Variants in UBASH3A observed in about 807,000 individuals in gnomAD.
UBASH3A encodes the protein ubiquitin associated and SH3 domain containing A.
In UBASH3A, 63 loss-of-function variants were observed where a neutral mutation model predicts 73.5. The ratio of observed to expected loss-of-function variants is 0.86; its 90% CI spans 0.70 to 1.06. The LOEUF (loss-of-function observed/expected upper bound fraction) is 1.06, where lower values mean the gene tolerates loss of function less well. Among genes scored for constraint, UBASH3A ranks in the 50% least tolerant of loss-of-function variants. The pLI, the probability that UBASH3A is intolerant of heterozygous loss-of-function variation, is 0.00. For synonymous variants in UBASH3A, 363 were observed against 351.1 expected, an observed-to-expected ratio of 1.03 and a Z score of -0.38; for missense variants, 860 against 859.0, an observed-to-expected ratio of 1.00 and a Z score of -0.02.
At chr21:42,414,920 T>C (rs1192564769) in intron 5 of UBASH3A, among the ~76,000 whole-genome samples, 2 of 152,226 alleles carry the variant, frequency 1.3e-5, no homozygotes, top group African/African-American at 4.8e-5. Flanking sequence ...GGGTTCATGC[T>C]GGGCAGCCCC....
intron 9 of UBASH3A, 61 bp from the exon 10 acceptor site, chr21:42,434,771 T>C: frequency 6.4e-7 from 1 of 1,551,126 alleles, no homozygotes. Flanking sequence ...TTGGGAGTTT[T>C]GTGGAACAAA....
At chr21:42,408,048 G>C (rs374172805) in intron 2 of UBASH3A, among the ~76,000 whole-genome samples, 295 of 152,362 alleles carry the variant, frequency 1.9e-3, no homozygotes, top group South Asian at 3.5e-3. Flanking sequence ...TGTAAAACAA[G>C]TGCTATCTAT....
At chr21:42,439,370 C>A (rs967585112) in intron 11 of UBASH3A, among the ~76,000 whole-genome samples, 2 of 152,172 alleles carry the variant, frequency 1.3e-5, no homozygotes, top group African/African-American at 4.8e-5. Context: ...CCCCTCTGCA[C>A]GGCATCTCGG....
chr21:42,418,981 T>C (rs902888250), intron 7 of UBASH3A, among the ~76,000 whole-genome samples: 1 of 152,252 alleles, frequency 6.6e-6, no homozygotes, highest in Non-Finnish European at 1.5e-5. Context: ...ATTAGTTTTC[T>C]ATGACTGTAT....
In UBASH3A at chr21:42,413,136, A is replaced by G; in HGVS notation, c.467A>G (p.Tyr156Cys). The G allele has an allele frequency of 6.2e-7, 1 of 1,614,058 alleles. No homozygotes were observed. The highest frequency in any genetic ancestry group is 1.3e-5 in the African/African-American group (1 of 74,970). ...VPLALHSSISYLGFFVSGSPA... is the reference protein window; with the variant it reads ...VPLALHSSISCLGFFVSGSPA... Reference sequence around the variant, plus strand: ...CTGGCTCTCCACTCCTCCATCAGCTACCTCGGCTTCTTCGTCAGTGGCAGC... The same window carrying G: ...CTGGCTCTCCACTCCTCCATCAGCTGCCTCGGCTTCTTCGTCAGTGGCAGC... The change falls in exon 4 of 15, where the codon TAC becomes TGC. Residue 156 changes from tyrosine (Y) to cysteine (C), a missense_variant. Tyr to Cys is a radical substitution (Grantham distance 194, BLOSUM62 -2). Transcript: ENST00000319294. The surrounding 1 kb of genome is among the most constrained non-coding windows in gnomAD (Gnocchi z 4.5).
intron 9 of UBASH3A, among the ~76,000 whole-genome samples, chr21:42,432,532 G>T (rs937992246): frequency 7.9e-5 from 12 of 151,850 alleles, no homozygotes; most frequent in Admixed American, 7.9e-4. Flanking sequence ...AGTAAGAATA[G>T]TGCTTATAAA....
At chr21:42,410,312 C>A (rs1306698756) in intron 3 of UBASH3A, 4 of 606,650 alleles carry the variant, frequency 6.6e-6, no homozygotes, top group South Asian at 1.9e-5. Context: ...TAAGGAAGGG[C>A]ACACCCACTT....
chr21:42,420,006 C>T (rs1018615408), intron 7 of UBASH3A, among the ~76,000 whole-genome samples: 1 of 152,190 alleles, frequency 6.6e-6, no homozygotes, highest in Non-Finnish European at 1.5e-5. Context: ...TGGAACATAA[C>T]CCCATCTGAA....
chr21:42,444,712 C>A (rs1292390986), intron 14 of UBASH3A, 69 bp downstream of exon 14: 8 of 1,247,750 alleles, frequency 6.4e-6, no homozygotes, highest in Non-Finnish European at 9.4e-6. Context: ...TTATCTCATC[C>A]ACTTCTCGGA....
intron 11 of UBASH3A, among the ~76,000 whole-genome samples, chr21:42,440,983 T>C (rs2053730669): frequency 6.6e-6 from 1 of 152,244 alleles, no homozygotes; most frequent in Non-Finnish European, 1.5e-5. Context: ...TATAAAAAGC[T>C]TTCAAAAATG....
At chr21:42,407,741 C>T (rs976094463) in intron 2 of UBASH3A, among the ~76,000 whole-genome samples, 1 of 152,212 alleles carries the variant, frequency 6.6e-6, no homozygotes, top group Non-Finnish European at 1.5e-5. Context: ...CACCAGCCTC[C>T]GTCGTGCGTC....
In UBASH3A at chr21:42,443,431, C is replaced by G. The variant is rs1313681113; in HGVS notation, c.1738+13C>G. On this transcript the variant is annotated intron_variant, in intron 13 of 14. Transcript: ENST00000319294. Reference sequence around the variant, plus strand: ...TGTCCACAGGACAGTAAGTGCCTCACCATCCTCAGTATGAACAGCCCCTGG... The same window carrying G: ...TGTCCACAGGACAGTAAGTGCCTCAGCATCCTCAGTATGAACAGCCCCTGG... 1 of 1,591,246 alleles carries G rather than the reference C, an allele frequency of 6.3e-7. No homozygotes were observed. The highest frequency in any genetic ancestry group is 8.6e-7 in the Non-Finnish European group (1 of 1,168,454).
At position 42,447,200 on chromosome 21, in the gene UBASH3A, A is replaced by C; in HGVS notation, c.*6A>C. On this transcript the variant is annotated 3_prime_UTR_variant, in exon 15 of 15. Transcript: ENST00000319294. ...ACTGGATCTCAGGCAACTGAGAGCC[A>C]CGGTGATGTTGTCATAACCTCAGAG... 6.2e-7 allele frequency: 1 copy of C among 1,613,512 alleles called. No homozygotes were observed. Among genetic ancestry groups the C allele is most frequent in the Non-Finnish European group, 8.5e-7 (1 of 1,179,760 alleles).
chr21:42,440,936 G>T (rs1312798997), intron 11 of UBASH3A, among the ~76,000 whole-genome samples: 1 of 152,018 alleles, frequency 6.6e-6, no homozygotes, highest in Non-Finnish European at 1.5e-5. Flanking sequence ...CCCATTTTTG[G>T]TGGATTTTTT....
At chr21:42,406,582 T>C (rs2052982038) in intron 2 of UBASH3A, among the ~76,000 whole-genome samples, 1 of 152,208 alleles carries the variant, frequency 6.6e-6, no homozygotes, top group African/African-American at 2.4e-5. Context: ...GAGAGAACTC[T>C]GAACAAGGCT....
chr21:42,442,524 G>T lies in UBASH3A; in HGVS notation c.1559G>T (p.Gly520Val). 2 of 1,614,140 alleles carry T rather than the reference G, an allele frequency of 1.2e-6. No homozygotes were observed. Among genetic ancestry groups the T allele is most frequent in the Non-Finnish European group, 1.7e-6 (2 of 1,180,038 alleles). ...GIFEWTKWEA[G>V]KTTPTLMSLE... Reference sequence around the variant, plus strand: ...TTTGAATGGACAAAATGGGAAGCTGGCAAAACCACCCCAACCCTCATGAGC... The same window carrying T: ...TTTGAATGGACAAAATGGGAAGCTGTCAAAACCACCCCAACCCTCATGAGC... The change falls in exon 12 of 15, where the codon GGC (glycine) becomes GTC (valine). Residue 520 changes from glycine (G) to valine (V), a missense_variant. By Grantham distance (109) the Gly-to-Val change is moderately radical. Coordinates refer to ENST00000319294, the MANE Select transcript of UBASH3A (RefSeq NM_018961.4).
chr21:42,426,279 A>G (rs561607039), intron 7 of UBASH3A, among the ~76,000 whole-genome samples: 50 of 152,332 alleles, frequency 3.3e-4, no homozygotes, highest in African/African-American at 1.2e-3. Context: ...TTTAATAAGG[A>G]CTTTCAGCTA....
chr21:42,409,565 C>T lies in UBASH3A; in HGVS notation c.311C>T (p.Ala104Val), dbSNP rs753122898. 18 of 1,613,738 alleles carry T rather than the reference C, an allele frequency of 1.1e-5. No individual in the cohort carries two copies. The highest frequency in any genetic ancestry group is 3.3e-5 in the Admixed American group (2 of 59,906). The change falls in exon 3 of 15, where the codon GCT becomes GTT. Residue 104 changes from alanine (A) to valine (V), a missense_variant. Ala to Val is a moderately conservative substitution (Grantham distance 64). Transcript: ENST00000319294. ...AAGCGCCAGTGTGCAAAGAACAGAG[C>T]TCATGAGGTCTTCCCACACGTGACA... ...ESKRQCAKNR[A>V]HEVFPHVTLC... is the part of the protein sequence containing the mutation.
intron 6 of UBASH3A, chr21:42,417,454 A>AAAGG (rs1466225230): frequency 6.6e-6 from 1 of 151,242 alleles, no homozygotes; most frequent in African/African-American, 2.4e-5. Flanking sequence ...GACAGAAAGG[A>AAAGG]AAGGACTATT....
Sources: gnomAD v4.1 joint callset for allele counts (sites outside exome capture counted in the v4.1 genomes callset) on GRCh38, gnomAD v4.1.1 for gene constraint, Gnocchi (gnomAD v3.1) non-coding constraint, MANE v1.5 for transcripts, NCBI Gene and HGNC (gene_info 2026-07-23, HGNC 2026-07-21) for gene names.